Variants in OPCML observed in about 807,000 individuals in gnomAD.
The protein encoded by OPCML is opioid-binding protein/cell adhesion molecule.
A neutral mutation model predicts 37.8 loss-of-function variants in OPCML; 13 were observed. The ratio of observed to expected loss-of-function variants is 0.34; its 90% CI spans 0.22 to 0.55. The LOEUF (loss-of-function observed/expected upper bound fraction) is 0.55, where lower values mean the gene tolerates loss of function less well. Ranked by LOEUF, OPCML falls within the 20% of genes least tolerant of loss-of-function variation. The probability of loss-of-function intolerance (pLI) is 0.91; values close to 1 mark genes in which losing one functional copy is unlikely to be tolerated. For missense variants in OPCML, 341 were observed against 435.6 expected (o/e 0.78, Z 1.93); for synonymous variants, 176 against 168.8 (o/e 1.04, Z -0.33).
At chr11:133,037,968 C>A (rs1428992897) in intron 1 of OPCML, among the ~76,000 whole-genome samples, 1 of 152,228 alleles carries the variant, frequency 6.6e-6, no homozygotes, top group Non-Finnish European at 1.5e-5. Context: ...GTGTGCTGGT[C>A]TCCTAAGCAT....
chr11:132,823,597 A>T (rs931127759), intron 2 of OPCML, among the ~76,000 whole-genome samples: 2 of 151,978 alleles, frequency 1.3e-5, no homozygotes, highest in African/African-American at 4.8e-5. Flanking sequence ...TAAAACAAAC[A>T]AACAAACAAA....
At chr11:133,140,796 A>AGAAGACGACGAT (rs1565467979) in intron 1 of OPCML, among the ~76,000 whole-genome samples, 5 of 142,548 alleles carry the variant, frequency 3.5e-5, no homozygotes, top group African/African-American at 7.9e-5. Flanking sequence ...ACGAAGAAGA[A>AGAAGACGACGAT]GAAGAAGAAG....
At chr11:132,719,584 G>A (rs1214462451) in intron 2 of OPCML, among the ~76,000 whole-genome samples, 1 of 152,196 alleles carries the variant, frequency 6.6e-6, no homozygotes, top group African/African-American at 2.4e-5. Flanking sequence ...GAACCAGAAG[G>A]GGTGCATTTT....
At chr11:132,669,874 G>C (rs142546353) in intron 2 of OPCML, among the ~76,000 whole-genome samples, 1 of 152,236 alleles carries the variant, frequency 6.6e-6, no homozygotes, top group East Asian at 1.9e-4. Context: ...TGAAGGTATA[G>C]CTCTCACACC....
intron 1 of OPCML, among the ~76,000 whole-genome samples, chr11:133,495,564 T>C (rs1210255624): frequency 6.6e-6 from 1 of 152,202 alleles, no homozygotes; most frequent in Admixed American, 6.5e-5. Flanking sequence ...CACCAGCATC[T>C]ACCGTTTTTT....
intron 1 of OPCML, among the ~76,000 whole-genome samples, chr11:133,398,646 A>T (rs181409908): frequency 6.6e-5 from 10 of 152,204 alleles, no homozygotes; most frequent in African/African-American, 2.4e-4. Flanking sequence ...AACAAGAAAT[A>T]TGCAATTTTC....
intron 1 of OPCML, among the ~76,000 whole-genome samples, chr11:133,052,529 C>T (rs1364213431): frequency 1.3e-5 from 2 of 152,202 alleles, no homozygotes; most frequent in Non-Finnish European, 2.9e-5. Flanking sequence ...GGGACATCTG[C>T]CCTTCACCGC....
chr11:133,394,429 T>G (rs1945244081), intron 1 of OPCML, among the ~76,000 whole-genome samples: 1 of 152,234 alleles, frequency 6.6e-6, no homozygotes, highest in Non-Finnish European at 1.5e-5. Context: ...ACTCTTTTGG[T>G]TATTTGAAAA....
intron 1 of OPCML, among the ~76,000 whole-genome samples, chr11:133,252,099 G>A (rs575491829): frequency 2.1e-4 from 32 of 152,294 alleles, no homozygotes; most frequent in East Asian, 1.7e-3. Context: ...AATCTTTGCT[G>A]TAGTAGGAAT....
chr11:132,467,918 G>A, intron 4 of OPCML, among the ~76,000 whole-genome samples: 1 of 152,168 alleles, frequency 6.6e-6, no homozygotes, highest in East Asian at 1.9e-4. Context: ...CAAAGTGTTT[G>A]GTGTCACGGT....
chr11:132,878,835 G>C (rs1050705227), intron 2 of OPCML, among the ~76,000 whole-genome samples: 3 of 152,146 alleles, frequency 2.0e-5, no homozygotes, highest in Non-Finnish European at 4.4e-5. Flanking sequence ...CTGGGATGTT[G>C]AAGCATTCTC....
At chr11:133,104,963 T>C (rs1385898729) in intron 1 of OPCML, among the ~76,000 whole-genome samples, 1 of 152,212 alleles carries the variant, frequency 6.6e-6, no homozygotes, top group Non-Finnish European at 1.5e-5. Context: ...AGATGTAATA[T>C]AAAGCAAAAT....
chr11:132,581,798 G>A (rs1290648865), intron 3 of OPCML, among the ~76,000 whole-genome samples: 2 of 152,054 alleles, frequency 1.3e-5, no homozygotes, highest in East Asian at 3.9e-4. Context: ...CTGCCATGAG[G>A]TCTGGGGTTG....
At chr11:132,977,435 T>C (rs1946488318) in intron 1 of OPCML, among the ~76,000 whole-genome samples, 1 of 152,246 alleles carries the variant, frequency 6.6e-6, no homozygotes, top group Non-Finnish European at 1.5e-5. Flanking sequence ...AGCTTCCCTC[T>C]AGATTTAGCT....
At chr11:133,154,073 A>G (rs2137198249) in intron 1 of OPCML, among the ~76,000 whole-genome samples, 1 of 152,194 alleles carries the variant, frequency 6.6e-6, no homozygotes, top group African/African-American at 2.4e-5. Flanking sequence ...GAGAGGGTGA[A>G]TAGGAGCAGC....
intron 1 of OPCML, among the ~76,000 whole-genome samples, chr11:133,322,507 C>A (rs1943356653): frequency 6.6e-6 from 1 of 152,060 alleles, no homozygotes; most frequent in Non-Finnish European, 1.5e-5. Flanking sequence ...CTGGGGTGGG[C>A]CCCAGCCAAT....
chr11:133,215,618 C>T (rs987651261), intron 1 of OPCML, among the ~76,000 whole-genome samples: 6 of 152,138 alleles, frequency 3.9e-5, no homozygotes, highest in Non-Finnish European at 8.8e-5. Flanking sequence ...CAAAAAATTC[C>T]TCTGGAGGGA....
At chr11:132,882,592 T>C (rs887183075) in intron 2 of OPCML, among the ~76,000 whole-genome samples, 17 of 152,158 alleles carry the variant, frequency 1.1e-4, no homozygotes, top group Admixed American at 1.0e-3. Context: ...GGGACGTATA[T>C]TTATGAAGCA....
intron 1 of OPCML, among the ~76,000 whole-genome samples, chr11:133,165,756 C>T (rs180828666): frequency 3.5e-4 from 53 of 152,278 alleles, no homozygotes; most frequent in Admixed American, 3.1e-3. Flanking sequence ...CCTCCCCAGG[C>T]TCTTGATTAC....
Sources: gnomAD v4.1 joint callset for allele counts (sites outside exome capture counted in the v4.1 genomes callset) on GRCh38, gnomAD v4.1.1 for gene constraint, MANE v1.5 for transcripts, NCBI Gene and HGNC (gene_info 2026-07-23, HGNC 2026-07-21) for gene names.